Variants in CFAP46 observed in about 807,000 individuals in gnomAD.
CFAP46 encodes cilia and flagella associated protein 46, also known as cilia- and flagella-associated protein 46.
Under a neutral mutation model 325.7 loss-of-function variants are expected in CFAP46, and 245 were observed. The ratio of observed to expected loss-of-function variants is 0.75; its 90% CI spans 0.68 to 0.84. The LOEUF (loss-of-function observed/expected upper bound fraction) is 0.84, where lower values mean the gene tolerates loss of function less well. CFAP46 is among the 40% of genes least tolerant of loss of function. The pLI is 0.00. For missense variants in CFAP46, 3,346 were observed against 3,543.0 expected, an observed-to-expected ratio of 0.94 and a Z score of 1.41; for synonymous variants, 1,523 against 1,495.9, an observed-to-expected ratio of 1.02 and a Z score of -0.42.
Position 132,876,665 on chromosome 10 carries a change from G to A in CFAP46, c.4362+147C>T. On this transcript the variant is annotated intron_variant, in intron 31 of 57. Coordinates refer to ENST00000368586, the MANE Select transcript of CFAP46 (RefSeq NM_001200049.3). This position sits in a 1 kb window ranked among gnomAD's most constrained non-coding sequence, Gnocchi z 4.1. ...TGAGGGCAGACAGTGGTGCTGGGAG[G>A]GCCTGTGGGAGGCTGGGGGCTGATG... 1 of 767,438 alleles carries A rather than the reference G, an allele frequency of 1.3e-6. No individual in the cohort carries two copies. Among genetic ancestry groups the A allele is most frequent in the Non-Finnish European group, 2.0e-6 (1 of 490,200 alleles). The allele number at this position is 767,438 out of a possible 1,614,324, so 47.5% of individuals were successfully genotyped here.
intron 22 of CFAP46, among the ~76,000 whole-genome samples, chr10:132,902,920 C>T (rs1369956513): frequency 2.6e-5 from 4 of 151,458 alleles, no homozygotes; most frequent in Non-Finnish European, 5.9e-5. Context: ...GTGAGTTACG[C>T]CCCAATGTGA....
chr10:132,879,285 G>C (rs1056010353), intron 29 of CFAP46, 141 bp downstream of exon 29: 19 of 800,434 alleles, frequency 2.4e-5, no homozygotes, highest in Non-Finnish European at 3.6e-5. Context: ...GGATGTCGCA[G>C]GAAATTGCTC....
chr10:132,848,430 C>T (rs775421334), intron 41 of CFAP46, among the ~76,000 whole-genome samples: 3 of 151,736 alleles, frequency 2.0e-5, no homozygotes, highest in East Asian at 1.9e-4. Context: ...ACTGGTGAGT[C>T]GGGGGGAGGG....
At chr10:132,810,106 T>C (rs1330524305) in intron 57 of CFAP46, among the ~76,000 whole-genome samples, 1 of 152,218 alleles carries the variant, frequency 6.6e-6, no homozygotes, top group Non-Finnish European at 1.5e-5. Flanking sequence ...ATTGTGTGAC[T>C]GGAGCTGTCA....
At position 132,899,549 on chromosome 10, in the gene CFAP46, G is replaced by A. The variant is rs1384973767; in HGVS notation, c.3042C>T (p.Phe1014=). The change falls in exon 23 of 58, where the codon TTC becomes TTT. Residue 1014 remains phenylalanine, a synonymous_variant. Coordinates refer to ENST00000368586, the MANE Select transcript of CFAP46 (RefSeq NM_001200049.3). ...KQLRLVAAKA[F]TESARFGGIA... is the part of the protein sequence containing the mutation. ...GAGCCACACACCTGGCGCTCTCCGT[G>A]AAGGCCTTGGCTGCCACCAGTCGCA... The A allele has an allele frequency of 1.3e-6, 2 of 1,548,662 alleles. No individual in the cohort carries two copies. Among genetic ancestry groups the A allele is most frequent in the South Asian group, 2.4e-5 (2 of 83,836 alleles).
At chr10:132,860,381 T>G in intron 37 of CFAP46, 36 bp downstream of exon 37, 1 of 1,482,654 alleles carries the variant, frequency 6.7e-7, no homozygotes, top group Non-Finnish European at 9.2e-7. Context: ...ACCACAGCTT[T>G]CACGCTAATG....
rs559741805 is a variant in CFAP46, at chr10:132,816,855, C to T, written c.7118-1941G>A. ...GCGAGGATGGAAAAAAGTCTGCCTT[C>T]GGGAACTGCTTTCTACCCTCATCAC... On this transcript the variant is annotated intron_variant, in intron 50 of 57. Coordinates refer to ENST00000368586, the MANE Select transcript of CFAP46 (RefSeq NM_001200049.3). Among the ~76,000 whole-genome samples, 7 of 152,286 alleles carry T rather than the reference C, an allele frequency of 4.6e-5. No individual in the cohort carries two copies. In the East Asian group the frequency reaches 9.6e-4, roughly 21 times the overall value.
Position 132,939,523 on chromosome 10 carries a change from G to C in CFAP46, c.372-770C>G, listed in dbSNP as rs1306707762. 1.3e-5 allele frequency among the ~76,000 whole-genome samples: 2 copies of C among 152,208 alleles called. No homozygotes were observed. Among genetic ancestry groups the C allele is most frequent in the African/African-American group, 2.4e-5 (1 of 41,456 alleles). ...CTTGTGGTCCTGGGCCGGCCACCAG[G>C]TGGACCAGCACTGCTCAATGCCCAG... On this transcript the variant is annotated intron_variant, in intron 4 of 57. Transcript: ENST00000368586. This position sits in a 1 kb window ranked among gnomAD's most constrained non-coding sequence, Gnocchi z 4.6.
intron 45 of CFAP46, among the ~76,000 whole-genome samples, chr10:132,836,495 C>T (rs1848249940): frequency 6.6e-6 from 1 of 152,240 alleles, no homozygotes; most frequent in South Asian, 2.1e-4. Flanking sequence ...TGGCTCCAGG[C>T]CAGTGGGAGC....
At chr10:132,925,327 G>A (rs889578268) in intron 10 of CFAP46, among the ~76,000 whole-genome samples, 2 of 152,238 alleles carry the variant, frequency 1.3e-5, no homozygotes, top group African/African-American at 4.8e-5. Context: ...CTGCTGGACC[G>A]CCCACCGTCC....
At chr10:132,911,225 G>A (rs1849536383) in intron 19 of CFAP46, among the ~76,000 whole-genome samples, 1 of 152,194 alleles carries the variant, frequency 6.6e-6, no homozygotes, top group African/African-American at 2.4e-5. Flanking sequence ...TGATGCCACA[G>A]CCGGTGTTCC....
At chr10:132,912,978 C>T (rs1849577190) in intron 18 of CFAP46, 68 bp downstream of exon 18, 1 of 1,518,592 alleles carries the variant, frequency 6.6e-7, no homozygotes, top group East Asian at 2.5e-5. Flanking sequence ...CAGCTGCCTG[C>T]CTTTGCTCTG....
intron 34 of CFAP46, 24 bp downstream of exon 34, chr10:132,867,351 A>G (rs1246576744): frequency 6.5e-7 from 1 of 1,542,388 alleles, no homozygotes. Context: ...TGCGGGTCAG[A>G]GGGATTCTGG....
chr10:132,882,672 G>C (rs1404119567), intron 27 of CFAP46, among the ~76,000 whole-genome samples: 1 of 152,002 alleles, frequency 6.6e-6, no homozygotes, highest in East Asian at 1.9e-4. Flanking sequence ...AGGACGTGCA[G>C]TGAGATCAGA....
Position 132,832,777 on chromosome 10 carries a change from G to A in CFAP46, c.7117+581C>T, listed in dbSNP as rs1052077523. The A allele has an allele frequency of 3.8e-5, 18 of 471,168 alleles. No homozygotes were observed. Among genetic ancestry groups the A allele is most frequent in the East Asian group, 6.9e-5 (1 of 14,394 alleles). 29.2% of individuals were successfully genotyped at this position (471,168 alleles called of 1,614,324 possible). A position where few individuals can be genotyped will look rare whatever the true frequency, so the allele number is the denominator to read the frequency against. On this transcript the variant is annotated intron_variant, in intron 50 of 57. Transcript: ENST00000368586. The surrounding 1 kb of genome is among the most constrained non-coding windows in gnomAD (Gnocchi z 4.1). The stretch of plus-strand genomic sequence containing the variant: ...ATCCCAGCCGAGGTCAGGGCCTTCC[G>A]CGCGCTCCCTCGTGCTTTTCACTGT...
intron 37 of CFAP46, among the ~76,000 whole-genome samples, chr10:132,859,907 T>G (rs867942008): frequency 6.6e-6 from 1 of 152,274 alleles, no homozygotes; most frequent in African/African-American, 2.4e-5. Flanking sequence ...ATACAAAAAT[T>G]AGCCGGGCAT....
At position 132,833,370 on chromosome 10, in the gene CFAP46, T is replaced by G; in HGVS notation, c.7105A>C (p.Lys2369Gln). The G allele has an allele frequency of 6.2e-7, 1 of 1,613,924 alleles. No homozygotes were observed. Among genetic ancestry groups the G allele is most frequent in the South Asian group, 1.1e-5 (1 of 91,060 alleles). The change falls in exon 50 of 58, where the codon AAA (lysine) becomes CAA (glutamine). Residue 2369 changes from lysine (K) to glutamine (Q), a missense_variant. Transcript: ENST00000368586. ...SLQMLWNRLH[K>Q]EETEGGVKKE... is the part of the protein sequence containing the mutation. ...GGGCAGTTCCTACCTGTCTCTTCTT[T>G]ATGGAGGCGATTCCACAGCATTTGA...
rs114854164 is a variant in CFAP46 at position 132,932,859 on chromosome 10, T to C, written c.866+1893A>G. Among the ~76,000 whole-genome samples, 410 of 152,358 alleles carry C rather than the reference T, an allele frequency of 2.7e-3. 1 individual carries two copies. Among genetic ancestry groups the C allele is most frequent in the African/African-American group, 9.2e-3 (384 of 41,584 alleles). On this transcript the variant is annotated intron_variant, in intron 8 of 57. Coordinates refer to ENST00000368586, the MANE Select transcript of CFAP46 (RefSeq NM_001200049.3). Reference sequence around the variant, plus strand: ...TCCTGTTGAGCTGCAGGGATCAGGATCACGCTCCTCCGGTGGAGATTAGGC... The same window carrying C: ...TCCTGTTGAGCTGCAGGGATCAGGACCACGCTCCTCCGGTGGAGATTAGGC...
Position 132,922,504 on chromosome 10 carries a change from G to C in CFAP46, c.1461C>G (p.Asp487Glu). The C allele has an allele frequency of 6.5e-7, 1 of 1,543,556 alleles. No homozygotes were observed. The highest frequency in any genetic ancestry group is 2.0e-5 in the Admixed American group (1 of 50,928). ...CCTGCTCAACGGCCATGATGGCCTT[G>C]TCCTCTGCGCGCTCAGGGGCCTGGT... ...TLYQAPERAE[D>E]KAIMAVEQAK... The change falls in exon 12 of 58, where the codon GAC (aspartate) becomes GAG (glutamate). Residue 487 changes from aspartate (D) to glutamate (E), a missense_variant. Coordinates refer to ENST00000368586, the MANE Select transcript of CFAP46 (RefSeq NM_001200049.3).
Sources: gnomAD v4.1 joint callset for allele counts (sites outside exome capture counted in the v4.1 genomes callset) on GRCh38, gnomAD v4.1.1 for gene constraint, Gnocchi (gnomAD v3.1) non-coding constraint, MANE v1.5 for transcripts, NCBI Gene and HGNC (gene_info 2026-07-23, HGNC 2026-07-21) for gene names.